The following RRAS2 variants were observed in gnomAD, a reference collection of about 807,000 sequenced individuals.
RRAS2 encodes the protein ras-related protein R-Ras2.
A neutral mutation model predicts 27.6 loss-of-function variants in RRAS2; 7 were observed. The ratio of observed to expected loss-of-function variants is 0.25; its 90% CI spans 0.14 to 0.48. The LOEUF is 0.48. Ranked by LOEUF, RRAS2 falls within the 20% of genes least tolerant of loss-of-function variation. The pLI is 0.99. For missense variants in RRAS2, 178 were observed against 256.2 expected, an observed-to-expected ratio of 0.69 and a Z score of 2.08; for synonymous variants, 86 against 90.9, an observed-to-expected ratio of 0.95 and a Z score of 0.31.
At chr11:14,319,371 A>G (rs1346961923) in intron 1 of RRAS2, among the ~76,000 whole-genome samples, 1 of 5,174 alleles carries the variant, frequency 1.9e-4, no homozygotes, top group Non-Finnish European at 6.4e-4. Flanking sequence ...TTTTTTTTTG[A>G]GACGGAGTCT....
upstream of RRAS2, among the ~76,000 whole-genome samples, chr11:14,362,895 T>C (rs185436589): frequency 2.0e-5 from 3 of 152,336 alleles, no homozygotes; most frequent in Admixed American, 2.0e-4. Context: ...GACTGCATCA[T>C]TTTGACTTAA....
chr11:14,337,338 T>C (rs530693177), intron 1 of RRAS2, among the ~76,000 whole-genome samples: 2 of 152,300 alleles, frequency 1.3e-5, no homozygotes, highest in South Asian at 2.1e-4. Context: ...GCTCTGAACA[T>C]TCAACTGTTG....
intron 1 of RRAS2, among the ~76,000 whole-genome samples, chr11:14,302,816 G>A (rs1847748492): frequency 6.6e-6 from 1 of 152,206 alleles, no homozygotes; most frequent in African/African-American, 2.4e-5. Flanking sequence ...TAGGGAGGCA[G>A]CAGAATTGAG....
intron 4 of RRAS2, among the ~76,000 whole-genome samples, chr11:14,287,865 C>G (rs1254390003): frequency 1.6e-5 from 2 of 128,430 alleles, no homozygotes; most frequent in Non-Finnish European, 3.3e-5. Flanking sequence ...GAGCAAGACT[C>G]TGTCTCAAAA....
chr11:14,304,881 CCCTT>C (rs1349038873), intron 1 of RRAS2, among the ~76,000 whole-genome samples: 4 of 152,208 alleles, frequency 2.6e-5, no homozygotes, highest in African/African-American at 9.7e-5. Context: ...GCAACATCCT[CCCTT>C]ATTTTTTTTG....
intron 1 of RRAS2, among the ~76,000 whole-genome samples, chr11:14,313,210 G>C (rs1297012984): frequency 6.6e-6 from 1 of 152,190 alleles, no homozygotes; most frequent in Non-Finnish European, 1.5e-5. Flanking sequence ...CATGTTCACA[G>C]AATTTAAGAC....
intron 1 of RRAS2, among the ~76,000 whole-genome samples, chr11:14,341,048 T>C (rs1848694132): frequency 6.6e-6 from 1 of 152,174 alleles, no homozygotes; most frequent in South Asian, 2.1e-4. Context: ...AATCCCATGA[T>C]GAAAATAAGA....
intron 1 of RRAS2, among the ~76,000 whole-genome samples, chr11:14,346,875 C>T (rs1478805963): frequency 6.6e-6 from 1 of 152,086 alleles, no homozygotes; most frequent in Non-Finnish European, 1.5e-5. Context: ...AATAAAAAGG[C>T]CAGGCACAGT....
intron 1 of RRAS2, among the ~76,000 whole-genome samples, chr11:14,318,597 T>C (rs947033958): frequency 1.3e-5 from 2 of 151,940 alleles, no homozygotes; most frequent in Non-Finnish European, 2.9e-5. Flanking sequence ...AGCAAAACCC[T>C]TCTCTCACAG....
At chr11:14,287,346 T>A (rs1254877281) in intron 4 of RRAS2, among the ~76,000 whole-genome samples, 1 of 152,106 alleles carries the variant, frequency 6.6e-6, no homozygotes, top group African/African-American at 2.4e-5. Context: ...ACCAAATAGG[T>A]ACATCCTTAA....
At chr11:14,342,148 A>T (rs1334315577) in intron 1 of RRAS2, 1 of 197,036 alleles carries the variant, frequency 5.1e-6, no homozygotes, top group Admixed American at 5.5e-5. Flanking sequence ...TCCCAGATTC[A>T]AATTGTTAAC....
chr11:14,320,267 C>A (rs1186520663), intron 1 of RRAS2, among the ~76,000 whole-genome samples: 2 of 152,166 alleles, frequency 1.3e-5, no homozygotes, highest in Non-Finnish European at 2.9e-5. Context: ...CCTTTGGCAT[C>A]CTGTGAAACC....
chr11:14,335,632 C>T (rs1277722897), intron 1 of RRAS2, among the ~76,000 whole-genome samples: 1 of 152,160 alleles, frequency 6.6e-6, no homozygotes, highest in African/African-American at 2.4e-5. Context: ...ATAGAGTAGA[C>T]ATACTTTTCC....
chr11:14,289,971 C>T (rs1175618821), intron 4 of RRAS2, among the ~76,000 whole-genome samples: 1 of 152,110 alleles, frequency 6.6e-6, no homozygotes, highest in Admixed American at 6.5e-5. Flanking sequence ...CAAGCTGTGT[C>T]GGCAACAGAG....
intron 4 of RRAS2, among the ~76,000 whole-genome samples, chr11:14,284,593 T>C (rs547326157): frequency 1.1e-3 from 168 of 152,314 alleles, no homozygotes; most frequent in African/African-American, 3.5e-3. Context: ...GAGAGGGGTA[T>C]TGAAGTCTCT....
chr11:14,284,221 T>C (rs188550526), intron 4 of RRAS2, among the ~76,000 whole-genome samples: 1 of 152,298 alleles, frequency 6.6e-6, no homozygotes, highest in East Asian at 1.9e-4. Context: ...TAAATTTTGA[T>C]GTTGTGTTCT....
chr11:14,341,107 A>G (rs1275440200), intron 1 of RRAS2, among the ~76,000 whole-genome samples: 3 of 152,212 alleles, frequency 2.0e-5, no homozygotes, highest in Non-Finnish European at 4.4e-5. Flanking sequence ...CATTTTTTAC[A>G]TAAATAATCC....
intron 1 of RRAS2, among the ~76,000 whole-genome samples, chr11:14,298,681 G>A (rs1477401663): frequency 1.3e-5 from 2 of 152,120 alleles, no homozygotes; most frequent in Non-Finnish European, 2.9e-5. Context: ...TTTGTCTACA[G>A]AGACCATCAT....
chr11:14,336,746 T>G (rs1294918706), intron 1 of RRAS2, among the ~76,000 whole-genome samples: 1 of 152,094 alleles, frequency 6.6e-6, no homozygotes, highest in Non-Finnish European at 1.5e-5. Context: ...CCTTTGGGAA[T>G]GTTACAAAAG....
Sources: allele counts gnomAD v4.1 joint callset (sites outside exome capture counted in the v4.1 genomes callset), GRCh38; gene constraint gnomAD v4.1.1; transcripts MANE v1.5; gene names NCBI Gene and HGNC (gene_info 2026-07-23, HGNC 2026-07-21).